Variants in NEBL observed in about 807,000 individuals in gnomAD.
The protein encoded by NEBL is nebulette.
NEBL carries 122 observed loss-of-function variants against 140.2 expected under a neutral mutation model. The ratio of observed to expected loss-of-function variants is 0.87; its 90% CI spans 0.75 to 1.01. NEBL has a LOEUF of 1.01. Among genes scored for constraint, NEBL ranks in the 50% least tolerant of loss-of-function variants. The probability of loss-of-function intolerance (pLI) is 0.00; values close to 1 mark genes in which losing one functional copy is unlikely to be tolerated. For synonymous variants in NEBL, 436 were observed against 398.9 expected (o/e 1.09, Z -1.11); for missense variants, 1,365 against 1,231.3 (o/e 1.11, Z -1.62).
intron 2 of NEBL, among the ~76,000 whole-genome samples, chr10:21,061,347 G>GTGATATGTAACATA (rs1835288042): frequency 4.2e-5 from 5 of 119,894 alleles, no homozygotes; most frequent in African/African-American, 1.4e-4. Flanking sequence ...TATGTAATAT[G>GTGATATGTAACATA]TTACATAATA....
intron 26 of NEBL, among the ~76,000 whole-genome samples, chr10:20,793,622 C>G (rs900813404): frequency 2.6e-5 from 4 of 151,524 alleles, no homozygotes; most frequent in South Asian, 2.1e-4. Flanking sequence ...GATGCCATCT[C>G]AGCTCACCGC....
chr10:20,934,752 A>G (rs954437287), intron 4 of NEBL, among the ~76,000 whole-genome samples: 4 of 152,126 alleles, frequency 2.6e-5, no homozygotes, highest in Non-Finnish European at 5.9e-5. Context: ...ATAAACCTCT[A>G]TTGTACTGAG....
At chr10:20,880,722 CAA>C (rs1400218329) in intron 5 of NEBL, 70 bp downstream of exon 5, 1 of 1,149,068 alleles carries the variant, frequency 8.7e-7, no homozygotes, top group Non-Finnish European at 1.3e-6. Flanking sequence ...TAAATTTCAG[CAA>C]AATAAACATA....
chr10:21,222,012 G>A (rs1245973241), intron 3 of NEBL, among the ~76,000 whole-genome samples: 2 of 151,884 alleles, frequency 1.3e-5, no homozygotes, highest in African/African-American at 2.4e-5. Context: ...TGGTGCCCCC[G>A]AGAACCAAAT....
At chr10:20,954,270 C>G (rs1282905889) in intron 4 of NEBL, among the ~76,000 whole-genome samples, 3 of 152,048 alleles carry the variant, frequency 2.0e-5, no homozygotes, top group African/African-American at 7.3e-5. Flanking sequence ...TCACACAAGG[C>G]CAGGAGATTC....
intron 3 of NEBL, among the ~76,000 whole-genome samples, chr10:21,207,851 T>TG (rs1199640349): frequency 6.6e-6 from 1 of 152,090 alleles, no homozygotes; most frequent in East Asian, 1.9e-4. Flanking sequence ...CAGGGTCCAA[T>TG]GGGGTGAATC....
chr10:20,857,932 C>T (rs1040614700), intron 9 of NEBL, among the ~76,000 whole-genome samples: 6 of 152,100 alleles, frequency 3.9e-5, no homozygotes, highest in Admixed American at 1.3e-4. Context: ...AGAGCCTGAA[C>T]TTCAAGTGGC....
At chr10:20,910,204 C>G (rs1012437741) in intron 4 of NEBL, among the ~76,000 whole-genome samples, 50 of 152,060 alleles carry the variant, frequency 3.3e-4, no homozygotes, top group Non-Finnish European at 1.5e-4. Context: ...TATAGTTAAG[C>G]AAAATTGTCA....
chr10:20,872,930 G>A (rs188266786), intron 5 of NEBL, among the ~76,000 whole-genome samples: 6 of 152,160 alleles, frequency 3.9e-5, no homozygotes, highest in Admixed American at 3.3e-4. Context: ...CAGCCTTCGG[G>A]GCTGCTCTGT....
At chr10:20,956,747 T>C (rs1010829085) in intron 4 of NEBL, among the ~76,000 whole-genome samples, 2 of 152,194 alleles carry the variant, frequency 1.3e-5, no homozygotes, top group Non-Finnish European at 2.9e-5. Context: ...TGAATGACTT[T>C]ATAATTTTTA....
chr10:21,267,245 G>A (rs1842807981), intron 1 of NEBL, among the ~76,000 whole-genome samples: 1 of 151,982 alleles, frequency 6.6e-6, no homozygotes, highest in South Asian at 2.1e-4. Context: ...CAAAGTGCTG[G>A]GATTACAGGC....
intron 2 of NEBL, chr10:21,028,979 G>A: frequency 1.7e-6 from 1 of 571,780 alleles, no homozygotes. Context: ...AAATGAAAGT[G>A]TTGCTTTCCC....
intron 3 of NEBL, among the ~76,000 whole-genome samples, chr10:20,984,840 T>A (rs1837191421): frequency 6.6e-6 from 1 of 152,090 alleles, no homozygotes; most frequent in Admixed American, 6.5e-5. Context: ...TTACAGCCAC[T>A]CCCCACAGCT....
At chr10:21,271,997 A>C (rs1406429021) in intron 1 of NEBL, among the ~76,000 whole-genome samples, 1 of 151,294 alleles carries the variant, frequency 6.6e-6, no homozygotes, top group Admixed American at 6.6e-5. Context: ...TCACTCTGTC[A>C]CCCAGGCTGG....
At chr10:20,823,720 G>T (rs1186681075) in intron 18 of NEBL, among the ~76,000 whole-genome samples, 2 of 151,974 alleles carry the variant, frequency 1.3e-5, no homozygotes, top group African/African-American at 2.4e-5. Context: ...ACAGAGTCTG[G>T]GGAGCACTGC....
chr10:21,125,790 A>G, intron 2 of NEBL: 31 of 1,475,778 alleles, frequency 2.1e-5, no homozygotes, highest in Non-Finnish European at 2.8e-5. Context: ...TTTATTGTAT[A>G]TGGTATGGTA....
chr10:21,208,723 A>G (rs1841869574), intron 3 of NEBL, among the ~76,000 whole-genome samples: 1 of 152,176 alleles, frequency 6.6e-6, no homozygotes, highest in Admixed American at 6.5e-5. Flanking sequence ...ACGAGCAAGG[A>G]GCAGGCCTGG....
rs751159249 is a variant in NEBL at position 20,831,191 on chromosome 10, C to G, written c.1671+5G>C. 4.4e-6 allele frequency: 7 copies of G among 1,602,052 alleles called. No individual in the cohort carries two copies. Among genetic ancestry groups the G allele is most frequent in the Non-Finnish European group, 6.0e-6 (7 of 1,169,598 alleles). The stretch of plus-strand genomic sequence containing the variant: ...CGATTCTGAGCATCTTCATTCATGA[C>G]CAACCTGGCTATAGATTTCAGATGT... On this transcript the variant is annotated splice_donor_5th_base_variant and intron_variant, in intron 16 of 27. Coordinates refer to ENST00000377122, the MANE Select transcript of NEBL (RefSeq NM_006393.3).
intron 4 of NEBL, among the ~76,000 whole-genome samples, chr10:20,882,326 G>C (rs534215829): frequency 6.6e-6 from 1 of 151,156 alleles, no homozygotes; most frequent in South Asian, 2.1e-4. Flanking sequence ...AAGAAGAGGG[G>C]AGAGGAGAGA....
Sources: allele counts gnomAD v4.1 joint callset (sites outside exome capture counted in the v4.1 genomes callset), GRCh38; gene constraint gnomAD v4.1.1; transcripts MANE v1.5; gene names NCBI Gene and HGNC (gene_info 2026-07-23, HGNC 2026-07-21).